The following CCSER2 variants were observed in gnomAD, a reference collection of about 807,000 sequenced individuals.
The protein encoded by CCSER2 is coiled-coil serine rich protein 2, also known as serine-rich coiled-coil domain-containing protein 2.
In CCSER2, 46 loss-of-function variants were observed where a neutral mutation model predicts 92.3. The ratio of observed to expected loss-of-function variants is 0.50; its 90% CI spans 0.39 to 0.64. The LOEUF (loss-of-function observed/expected upper bound fraction) is 0.64, where lower values mean the gene tolerates loss of function less well. Among genes scored for constraint, CCSER2 ranks in the 30% least tolerant of loss-of-function variants. The probability of loss-of-function intolerance (pLI) is 0.00; values close to 1 mark genes in which losing one functional copy is unlikely to be tolerated. For synonymous variants in CCSER2, 433 were observed against 431.4 expected (o/e 1.00, Z -0.04); for missense variants, 1,244 against 1,238.9 (o/e 1.00, Z -0.06).
chr10:84,415,504 CA>C (rs1336923522), intron 3 of CCSER2, among the ~76,000 whole-genome samples: 1 of 152,200 alleles, frequency 6.6e-6, no homozygotes, highest in Non-Finnish European at 1.5e-5. Flanking sequence ...TGTGAAACAG[CA>C]AAGATGGCAA....
chr10:84,412,879 G>A (rs542247076), intron 3 of CCSER2, among the ~76,000 whole-genome samples: 33 of 152,304 alleles, frequency 2.2e-4, no homozygotes, highest in African/African-American at 7.9e-4. Flanking sequence ...CAAAAAAGGT[G>A]TATGTGTCCA....
chr10:84,444,280 T>G (rs1844771800), intron 6 of CCSER2, among the ~76,000 whole-genome samples: 1 of 152,168 alleles, frequency 6.6e-6, no homozygotes, highest in Non-Finnish European at 1.5e-5. Context: ...AACAAGCGAC[T>G]TGGCCAAATT....
intron 9 of CCSER2, chr10:84,500,124 T>C (rs1589823662): frequency 2.7e-6 from 1 of 374,638 alleles, no homozygotes; most frequent in Non-Finnish European, 3.7e-6. Context: ...CACTTCCTTT[T>C]ACTGCATGTA....
intron 6 of CCSER2, among the ~76,000 whole-genome samples, chr10:84,446,220 T>C (rs568182317): frequency 6.6e-6 from 1 of 152,220 alleles, no homozygotes; most frequent in South Asian, 2.1e-4. Flanking sequence ...TTGCAAAATA[T>C]TTGATTCCTA....
chr10:84,428,985 GTATA>G (rs60243946), intron 5 of CCSER2, among the ~76,000 whole-genome samples: 1,587 of 140,816 alleles, frequency 0.011, 21 homozygotes, highest in Middle Eastern at 0.037. Flanking sequence ...GTGTGTATGT[GTATA>G]TATATATATA....
At chr10:84,390,883 T>G (rs995035759) in intron 3 of CCSER2, 2 of 677,964 alleles carry the variant, frequency 3.0e-6, no homozygotes, top group Non-Finnish European at 5.5e-6. Context: ...TTCTAAGACC[T>G]TAACATGTAT....
chr10:84,358,648 G>GTATATATATATACATATACA (rs1845324263), intron 1 of CCSER2, among the ~76,000 whole-genome samples: 1 of 146,310 alleles, frequency 6.8e-6, no homozygotes, highest in Non-Finnish European at 1.5e-5. Flanking sequence ...GTATATATGT[G>GTATATATATATACATATACA]TATATATATA....
chr10:84,441,736 G>GGTTTTTTTTTTTTTTTTTTTTTTTTT, intron 6 of CCSER2, among the ~76,000 whole-genome samples: 1 of 43,598 alleles, frequency 2.3e-5, no homozygotes, highest in African/African-American at 7.3e-5. Context: ...CTGGGAAAAT[G>GGTTTTTTTTTTTTTTTTTTTTTTTTT]TTTTTTTTTT....
At chr10:84,396,913 C>T (rs1204412840) in intron 3 of CCSER2, among the ~76,000 whole-genome samples, 2 of 152,172 alleles carry the variant, frequency 1.3e-5, no homozygotes, top group Non-Finnish European at 2.9e-5. Flanking sequence ...CAATTACTCT[C>T]CCAACAATGG....
intron 6 of CCSER2, among the ~76,000 whole-genome samples, chr10:84,459,799 C>G (rs1845992443): frequency 6.6e-6 from 1 of 152,136 alleles, no homozygotes; most frequent in African/African-American, 2.4e-5. Flanking sequence ...ACTGGGGTTA[C>G]AGGCATGAGC....
intron 1 of CCSER2, among the ~76,000 whole-genome samples, chr10:84,350,516 AT>A (rs1844803748): frequency 6.6e-6 from 1 of 152,188 alleles, no homozygotes; most frequent in South Asian, 2.1e-4. Context: ...AAATATTTGA[AT>A]ATTTGAGTGA....
chr10:84,510,125 G>A (rs1849275781), intron 9 of CCSER2, among the ~76,000 whole-genome samples: 1 of 152,098 alleles, frequency 6.6e-6, no homozygotes, highest in African/African-American at 2.4e-5. Flanking sequence ...CCTAGGAGCT[G>A]GCCCTTAGCT....
chr10:84,339,664 G>A (rs796097401), intron 1 of CCSER2, among the ~76,000 whole-genome samples: 6 of 151,164 alleles, frequency 4.0e-5, no homozygotes, highest in African/African-American at 1.5e-4. Context: ...TAGTAGAGAC[G>A]AGGTTTCTCC....
intron 3 of CCSER2, among the ~76,000 whole-genome samples, chr10:84,411,950 A>G (rs956023898): frequency 2.0e-5 from 3 of 152,152 alleles, no homozygotes; most frequent in East Asian, 1.9e-4. Flanking sequence ...TGGGTTTGTC[A>G]TATATGGCTC....
chr10:84,457,343 TATATATA>T (rs1845772765), intron 6 of CCSER2, among the ~76,000 whole-genome samples: 1 of 60,924 alleles, frequency 1.6e-5, no homozygotes, highest in African/African-American at 5.0e-5. Context: ...TATTATATAT[TATATATA>T]ATATATATAT....
chr10:84,437,241 G>A (rs546822482), intron 5 of CCSER2, among the ~76,000 whole-genome samples: 131 of 152,108 alleles, frequency 8.6e-4, no homozygotes, highest in African/African-American at 3.1e-3. Context: ...GTTCTCGGCC[G>A]GGCATGGTGG....
chr10:84,418,430 T>G (rs35750626), intron 4 of CCSER2, among the ~76,000 whole-genome samples: 8,860 of 152,216 alleles, frequency 0.058, 368 homozygotes, highest in Admixed American at 0.1. Flanking sequence ...TGTAGGATTT[T>G]TTTTATCTTA....
In CCSER2 at chr10:84,468,036, T is replaced by C. The variant is rs1846554735; in HGVS notation, c.2149-2336T>C. Among the ~76,000 whole-genome samples, 3 of 152,220 alleles carry C rather than the reference T, an allele frequency of 2.0e-5. No individual in the cohort carries two copies. In the South Asian group the frequency reaches 6.2e-4, roughly 32 times the overall value. On this transcript the variant is annotated intron_variant, in intron 7 of 9. Coordinates refer to ENST00000372088, the MANE Select transcript of CCSER2 (RefSeq NM_001284240.2). ...ATCTGTCACTCCCTAGCTAAGGCCA[T>C]GCGTGATAGTCATGGCTCTCTGTGA...
At chr10:84,442,879 A>G (rs1844662112) in intron 6 of CCSER2, among the ~76,000 whole-genome samples, 1 of 152,252 alleles carries the variant, frequency 6.6e-6, no homozygotes, top group African/African-American at 2.4e-5. Context: ...CAAACCTGAC[A>G]AAAACAAGCA....
Sources: gnomAD v4.1 joint callset for allele counts (sites outside exome capture counted in the v4.1 genomes callset) on GRCh38, gnomAD v4.1.1 for gene constraint, MANE v1.5 for transcripts, NCBI Gene and HGNC (gene_info 2026-07-23, HGNC 2026-07-21) for gene names.